Variants in MAL observed in about 807,000 individuals in gnomAD.
MAL encodes the protein myelin and lymphocyte protein.
MAL carries 5 observed loss-of-function variants against 16.7 expected under a neutral mutation model. The observed-to-expected ratio is 0.30, with a 90% CI of 0.16 to 0.63. The LOEUF is 0.63. MAL is among the 30% of genes least tolerant of loss of function. MAL has a pLI of 0.82. For synonymous variants in MAL, 96 were observed against 85.5 expected (o/e 1.12, Z -0.67); for missense variants, 202 against 195.8 (o/e 1.03, Z -0.19).
At chr2:95,034,067 G>T (rs1329918785) in intron 1 of MAL, among the ~76,000 whole-genome samples, 5 of 152,222 alleles carry the variant, frequency 3.3e-5, no homozygotes, top group Admixed American at 6.5e-5. Flanking sequence ...TGTGCCGATG[G>T]CAGGGTCCGC....
intron 1 of MAL, among the ~76,000 whole-genome samples, chr2:95,045,435 G>A (rs1250783075): frequency 6.6e-6 from 1 of 152,208 alleles, no homozygotes; most frequent in Non-Finnish European, 1.5e-5. Flanking sequence ...ATGCATGGCT[G>A]GATGGGTCTT....
At chr2:95,048,170 G>A (rs774139243) in intron 2 of MAL, 44 bp downstream of exon 2, 6 of 1,549,948 alleles carry the variant, frequency 3.9e-6, no homozygotes, top group Non-Finnish European at 4.5e-6. Context: ...GGGGGCGCAG[G>A]AAGTACTGGT....
chr2:95,048,327 A>C (rs1292211186), intron 2 of MAL, among the ~76,000 whole-genome samples: 1 of 151,936 alleles, frequency 6.6e-6, no homozygotes, highest in Non-Finnish European at 1.5e-5. Context: ...GCCGCTGCCA[A>C]CCCTCACTGG....
At chr2:95,045,890 T>C (rs1326712332) in intron 1 of MAL, among the ~76,000 whole-genome samples, 1 of 152,216 alleles carries the variant, frequency 6.6e-6, no homozygotes, top group Non-Finnish European at 1.5e-5. Context: ...TCTTATTCCA[T>C]GGTGGTCTGG....
At chr2:95,029,175 T>C (rs992622729) in intron 1 of MAL, among the ~76,000 whole-genome samples, 1 of 152,246 alleles carries the variant, frequency 6.6e-6, no homozygotes, top group Non-Finnish European at 1.5e-5. Context: ...TATTTTGCCT[T>C]GTTTGCTGTT....
intron 3 of MAL, 175 bp from the exon 4 acceptor site, chr2:95,053,206 T>G: frequency 3.1e-6 from 2 of 638,420 alleles, no homozygotes; most frequent in Non-Finnish European, 2.8e-6. Flanking sequence ...ACTGAGAGGA[T>G]TTGGTGCACA....
intron 1 of MAL, among the ~76,000 whole-genome samples, chr2:95,042,327 G>C (rs138243705): frequency 1.2e-4 from 19 of 152,338 alleles, no homozygotes; most frequent in African/African-American, 4.3e-4. Context: ...ACATCACGAG[G>C]CCTTGGCCAA....
At chr2:95,029,349 C>T (rs1674022151) in intron 1 of MAL, among the ~76,000 whole-genome samples, 1 of 152,232 alleles carries the variant, frequency 6.6e-6, no homozygotes, top group South Asian at 2.1e-4. Flanking sequence ...ATGAACTACA[C>T]ATGGCATTGT....
intron 1 of MAL, among the ~76,000 whole-genome samples, chr2:95,027,160 G>T (rs959472080): frequency 6.6e-6 from 1 of 152,158 alleles, no homozygotes; most frequent in African/African-American, 2.4e-5. Flanking sequence ...CCAGCCCCCC[G>T]CTGGCCTCCT....
intron 3 of MAL, 53 bp from the exon 4 acceptor site, chr2:95,053,328 G>C: frequency 8.0e-7 from 1 of 1,248,116 alleles, no homozygotes; most frequent in Non-Finnish European, 1.2e-6. Context: ...TGCAGACGCT[G>C]TGCCTCGCCC....
chr2:95,036,338 T>C (rs961918238), intron 1 of MAL, among the ~76,000 whole-genome samples: 1 of 152,190 alleles, frequency 6.6e-6, no homozygotes, highest in African/African-American at 2.4e-5. Context: ...GTGGGGATCT[T>C]GTGCCAACTA....
At chr2:95,038,560 GTGAGTGACTGAGTGAC>G (rs1194573899) in intron 1 of MAL, among the ~76,000 whole-genome samples, 1 of 150,860 alleles carries the variant, frequency 6.6e-6, no homozygotes, top group Non-Finnish European at 1.5e-5. Flanking sequence ...GAGTGAGTGA[GTGAGTGACTGAGTGAC>G]TGAGTGAGTG....
Position 95,025,809 on chromosome 2 carries a change from C to T in MAL, c.17C>T (p.Ala6Val). Residue 6 changes from alanine to valine, a missense_variant, in exon 1 of 4, where the codon GCG (alanine) becomes GTG (valine). Coordinates refer to ENST00000309988, the MANE Select transcript of MAL (RefSeq NM_002371.4). This position sits in a 1 kb window ranked among gnomAD's most constrained non-coding sequence, Gnocchi z 5.6. The stretch of plus-strand genomic sequence containing the variant: ...CACGCCGTCATGGCCCCCGCAGCGG[C>T]GACGGGGGGCAGCACCCTGCCCAGT... MAPAA[A>V]TGGSTLPSGF... The T allele has an allele frequency of 1.9e-6, 3 of 1,560,912 alleles. No individual in the cohort carries two copies. Among genetic ancestry groups the T allele is most frequent in the Non-Finnish European group, 2.6e-6 (3 of 1,153,840 alleles).
At chr2:95,046,497 A>T (rs1674587859) in intron 1 of MAL, among the ~76,000 whole-genome samples, 1 of 152,140 alleles carries the variant, frequency 6.6e-6, no homozygotes, top group South Asian at 2.1e-4. Context: ...CACAGTGAGG[A>T]ACGGAGTTTG....
chr2:95,034,730 A>C (rs1376290998), intron 1 of MAL, among the ~76,000 whole-genome samples: 3 of 152,114 alleles, frequency 2.0e-5, no homozygotes, highest in Non-Finnish European at 4.4e-5. Context: ...AAAACCAGCC[A>C]CAGACCTCCT....
At chr2:95,039,436 CTGAGTGAGTGAGTGAG>C (rs551292618) in intron 1 of MAL, among the ~76,000 whole-genome samples, 1 of 92,770 alleles carries the variant, frequency 1.1e-5, no homozygotes, top group Non-Finnish European at 2.2e-5. Flanking sequence ...GACTGAGTGA[CTGAGTGAGTGAGTGAG>C]TGAGTGAGTG....
chr2:95,040,122 T>TAC (rs140877183), intron 1 of MAL, among the ~76,000 whole-genome samples: 3,833 of 149,960 alleles, frequency 0.026, 91 homozygotes, highest in African/African-American at 0.056. Flanking sequence ...TCTACCTACC[T>TAC]ACACACACAC....
Position 95,048,099 on chromosome 2 carries a change from C to T in MAL, c.234C>T (p.His78=), listed in dbSNP as rs755950135. The part of the protein sequence containing the change: ...TLIILYIIGA[H]GGETSWVTLD... ...TCATCCTGTACATAATTGGAGCCCACGGTGGAGAGACTTCCTGGGTCACCT... is the reference window on the plus strand; with the variant it reads ...TCATCCTGTACATAATTGGAGCCCATGGTGGAGAGACTTCCTGGGTCACCT... The change falls in exon 2 of 4, where the codon CAC becomes CAT. Residue 78 remains histidine, a synonymous_variant. Transcript: ENST00000309988. 1.9e-5 allele frequency: 31 copies of T among 1,613,576 alleles called. No homozygotes were observed. The highest frequency in any genetic ancestry group is 3.3e-5 in the Admixed American group (2 of 60,000).
rs1199999916 is a variant in MAL, at chr2:95,038,420, ATGAGTGAC to A, written c.94-9523_94-9516del. On this transcript the variant is annotated intron_variant, in intron 1 of 3. Coordinates refer to ENST00000309988, the MANE Select transcript of MAL (RefSeq NM_002371.4). ...AGTGAGCAAGTGAGTGAGTGACTGA[ATGAGTGAC>A]TGAGTGACTGAGTGAGTGACTGAGT... Among the ~76,000 whole-genome samples the A allele has an allele frequency of 1.9e-4, 11 of 57,790 alleles. 1 individual carries two copies. In the East Asian group the frequency reaches 2.0e-3, roughly 11 times the overall value. 37.9% of individuals were successfully genotyped at this position (57,790 alleles called of 152,430 possible).
Sources: gnomAD v4.1 joint callset for allele counts (sites outside exome capture counted in the v4.1 genomes callset) on GRCh38, gnomAD v4.1.1 for gene constraint, Gnocchi (gnomAD v3.1) non-coding constraint, MANE v1.5 for transcripts, NCBI Gene and HGNC (gene_info 2026-07-23, HGNC 2026-07-21) for gene names.